Variants in LOXL2 observed in about 807,000 individuals in gnomAD.
LOXL2 encodes lysyl oxidase homolog 2.
A neutral mutation model predicts 93.0 loss-of-function variants in LOXL2; 70 were observed. The ratio of observed to expected loss-of-function variants is 0.75; its 90% CI spans 0.62 to 0.92. The LOEUF is 0.92. Ranked by LOEUF, LOXL2 falls within the 40% of genes least tolerant of loss-of-function variation. The pLI is 0.00. For synonymous variants in LOXL2, 438 were observed against 413.2 expected, an observed-to-expected ratio of 1.06 and a Z score of -0.73; for missense variants, 973 against 1,054.9, an observed-to-expected ratio of 0.92 and a Z score of 1.08.
intron 1 of LOXL2, among the ~76,000 whole-genome samples, chr8:23,389,717 A>G (rs192636113): frequency 6.6e-6 from 1 of 152,204 alleles, no homozygotes; most frequent in African/African-American, 2.4e-5. Flanking sequence ...TGTGATGCTC[A>G]TAACTGTCCC....
intron 6 of LOXL2, among the ~76,000 whole-genome samples, chr8:23,326,397 G>A (rs193232840): frequency 5.3e-5 from 8 of 152,258 alleles, no homozygotes; most frequent in African/African-American, 1.7e-4. Flanking sequence ...TCTTTGTCCT[G>A]TAGGCCCTTG....
chr8:23,367,197 C>T (rs774722068), intron 2 of LOXL2, among the ~76,000 whole-genome samples: 19 of 152,156 alleles, frequency 1.2e-4, no homozygotes, highest in African/African-American at 4.3e-4. Flanking sequence ...TACAGACACT[C>T]GCCACCATGC....
intron 1 of LOXL2, among the ~76,000 whole-genome samples, chr8:23,398,747 C>T (rs931831524): frequency 5.3e-5 from 8 of 152,164 alleles, no homozygotes; most frequent in African/African-American, 7.2e-5. Context: ...ATAGCCTTGA[C>T]CTCCTGGGCT....
chr8:23,357,643 C>G (rs531780377), intron 3 of LOXL2, among the ~76,000 whole-genome samples: 35 of 149,384 alleles, frequency 2.3e-4, no homozygotes, highest in African/African-American at 8.1e-4. Flanking sequence ...TTTGGCCTGT[C>G]TTATTTTTTT....
chr8:23,402,019 T>C (rs551781621), intron 1 of LOXL2, among the ~76,000 whole-genome samples: 2 of 152,296 alleles, frequency 1.3e-5, no homozygotes, highest in South Asian at 4.1e-4. Context: ...CATATACATA[T>C]ACACACGTGC....
intron 1 of LOXL2, chr8:23,402,738 A>T (rs1800168523): frequency 2.0e-5 from 3 of 151,468 alleles, no homozygotes; most frequent in Admixed American, 1.3e-4. Flanking sequence ...ACATTGACTA[A>T]CTCAGTGACC....
Position 23,297,952 on chromosome 8 carries a change from A to T in LOXL2, c.*91T>A. On this transcript the variant is annotated 3_prime_UTR_variant, in exon 14 of 14. Coordinates refer to ENST00000389131, the MANE Select transcript of LOXL2 (RefSeq NM_002318.3). ...GGTGGGGGCCGGGCTGGGTGAGGGC[A>T]CGTGGCATTCGTTCAGACTCAGTTG... is the stretch of plus-strand genomic sequence containing the variant. 1 of 1,079,542 alleles carries T rather than the reference A, an allele frequency of 9.3e-7. No homozygotes were observed. Among genetic ancestry groups the T allele is most frequent in the Non-Finnish European group, 1.4e-6 (1 of 714,302 alleles). The allele number at this position is 1,079,542 out of a possible 1,614,324, so 66.9% of individuals were successfully genotyped here.
At chr8:23,402,088 G>A (rs1185480092) in intron 1 of LOXL2, among the ~76,000 whole-genome samples, 2 of 151,520 alleles carry the variant, frequency 1.3e-5, no homozygotes, top group African/African-American at 4.9e-5. Flanking sequence ...ACATACACAT[G>A]CAAACATGCA....
At chr8:23,352,562 C>T (rs1804112158) in intron 3 of LOXL2, among the ~76,000 whole-genome samples, 1 of 152,180 alleles carries the variant, frequency 6.6e-6, no homozygotes, top group African/African-American at 2.4e-5. Context: ...CTCTGCCGCC[C>T]CCAGACAGAC....
intron 7 of LOXL2, among the ~76,000 whole-genome samples, chr8:23,320,999 A>ATTCTTG (rs1263366946): frequency 6.6e-6 from 1 of 152,212 alleles, no homozygotes; most frequent in Non-Finnish European, 1.5e-5. Context: ...TCAAGCCAGA[A>ATTCTTG]ACAGAGGAGC....
At chr8:23,369,802 A>G (rs1163355860) in intron 1 of LOXL2, among the ~76,000 whole-genome samples, 2 of 152,130 alleles carry the variant, frequency 1.3e-5, no homozygotes, top group African/African-American at 4.8e-5. Flanking sequence ...TGACCAACGG[A>G]CCAACGCACA....
chr8:23,302,570 C>T (rs1012764244), intron 11 of LOXL2, among the ~76,000 whole-genome samples: 2 of 152,226 alleles, frequency 1.3e-5, no homozygotes, highest in African/African-American at 4.8e-5. Flanking sequence ...GTCTCTCTGA[C>T]ACTTACATGT....
chr8:23,340,966 C>T, intron 4 of LOXL2, 26 bp downstream of exon 4: 1 of 1,595,536 alleles, frequency 6.3e-7, no homozygotes, highest in Non-Finnish European at 8.6e-7. Context: ...ACCCTCAAAG[C>T]CACCCCTTTG....
intron 4 of LOXL2, 23 bp from the exon 5 acceptor site, chr8:23,333,646 G>A (rs751896551): frequency 4.4e-6 from 7 of 1,589,480 alleles, no homozygotes; most frequent in Non-Finnish European, 6.0e-6. Flanking sequence ...GGAGGGGACA[G>A]GGGACCAGGG....
In LOXL2 at chr8:23,368,016, G is replaced by T. The variant is rs1266165489; in HGVS notation, c.336C>A (p.Ser112=). The change falls in exon 2 of 14, where the codon TCC becomes TCA. Residue 112 remains serine, a synonymous_variant. Coordinates refer to ENST00000389131, the MANE Select transcript of LOXL2 (RefSeq NM_002318.3). The part of the protein sequence containing the change: ...YVEAKSWTAS[S]SYGKGEGPIW... Reference sequence around the variant, plus strand: ...GTTTACCTTCTCCCTTGCCGTAGGAGGAGCTGGCAGTCCAGGACTTGGCCT... The same window carrying T: ...GTTTACCTTCTCCCTTGCCGTAGGATGAGCTGGCAGTCCAGGACTTGGCCT... 10 of 1,613,254 alleles carry T rather than the reference G, an allele frequency of 6.2e-6. No individual in the cohort carries two copies. The highest frequency in any genetic ancestry group is 1.3e-5 in the African/African-American group (1 of 75,064).
At chr8:23,352,009 C>T (rs780115337) in intron 3 of LOXL2, among the ~76,000 whole-genome samples, 1 of 152,156 alleles carries the variant, frequency 6.6e-6, no homozygotes, top group Non-Finnish European at 1.5e-5. Context: ...ATGGGGGTCT[C>T]GTCACGTTGG....
In LOXL2 at chr8:23,298,098, T is replaced by TC. The variant is rs752781121; in HGVS notation, c.2269dup (p.Glu757GlyfsTer5). On this transcript the variant is annotated frameshift_variant, in exon 14 of 14. Coordinates refer to ENST00000389131, the MANE Select transcript of LOXL2 (RefSeq NM_002318.3). LOFTEE classifies it high-confidence loss of function. Reference sequence around the variant, plus strand: ...CCCGCTGAAGTGCTCAAACTTTTTTTCCGTCTCTTCGCTGAAGGAACCACC... The same window carrying TC: ...CCCGCTGAAGTGCTCAAACTTTTTTTCCCGTCTCTTCGCTGAAGGAACCACC... 46 of 1,613,640 alleles carry TC rather than the reference T, an allele frequency of 2.9e-5. No homozygotes were observed. The South Asian group carries it at 4.8e-4, about 17-fold the overall frequency.
At chr8:23,318,734 A>C (rs1585347998) in intron 8 of LOXL2, among the ~76,000 whole-genome samples, 1 of 152,190 alleles carries the variant, frequency 6.6e-6, no homozygotes, top group South Asian at 2.1e-4. Context: ...GGAGATTTAG[A>C]GAGTGCCCTG....
chr8:23,303,134 T>C (rs1757532374), intron 11 of LOXL2, 148 bp downstream of exon 11: 1 of 657,432 alleles, frequency 1.5e-6, no homozygotes, highest in Non-Finnish European at 2.8e-6. Context: ...CGCCTCACTA[T>C]AGCTGAGGAA....
Sources: gnomAD v4.1 joint callset for allele counts (sites outside exome capture counted in the v4.1 genomes callset) on GRCh38, gnomAD v4.1.1 for gene constraint, MANE v1.5 for transcripts, NCBI Gene and HGNC (gene_info 2026-07-23, HGNC 2026-07-21) for gene names.